PLXDC2: variants seen among roughly 807,000 people sequenced by gnomAD.
PLXDC2 encodes the protein plexin domain containing 2.
A neutral mutation model predicts 68.9 loss-of-function variants in PLXDC2; 40 were observed. That is an observed-to-expected ratio of 0.58 (90% CI 0.45 to 0.76). The LOEUF (loss-of-function observed/expected upper bound fraction) is 0.76, where lower values mean the gene tolerates loss of function less well. Ranked by LOEUF, PLXDC2 falls within the 30% of genes least tolerant of loss-of-function variation. The probability of loss-of-function intolerance (pLI) is 0.00; values close to 1 mark genes in which losing one functional copy is unlikely to be tolerated. For missense variants in PLXDC2, 644 were observed against 661.9 expected, an observed-to-expected ratio of 0.97 and a Z score of 0.30; for synonymous variants, 243 against 234.2, an observed-to-expected ratio of 1.04 and a Z score of -0.34.
intron 4 of PLXDC2, among the ~76,000 whole-genome samples, chr10:20,081,321 T>G (rs1476345008): frequency 6.6e-6 from 1 of 152,008 alleles, no homozygotes; most frequent in African/African-American, 2.4e-5. Flanking sequence ...ACTATTCCAC[T>G]AGAGACACCC....
At chr10:20,275,540 C>T (rs1000943905) in intron 13 of PLXDC2, among the ~76,000 whole-genome samples, 16 of 152,136 alleles carry the variant, frequency 1.1e-4, no homozygotes, top group South Asian at 2.1e-4. Flanking sequence ...TAAAGGAGAC[C>T]GACCCTGTGT....
chr10:19,981,332 T>C (rs746627768), intron 1 of PLXDC2, among the ~76,000 whole-genome samples: 7 of 152,218 alleles, frequency 4.6e-5, no homozygotes, highest in African/African-American at 4.8e-5. Flanking sequence ...ATGAAATAGT[T>C]TTCATAGACT....
rs997102099 is a variant in PLXDC2, at chr10:19,846,376, A to G, written c.112+29185A>G. ...GAAAGAGAAAATGGGGGCTTTATGAAGTGATTAAATCTCGAGGAGGGAAAA... is the reference window on the plus strand; with the variant it reads ...GAAAGAGAAAATGGGGGCTTTATGAGGTGATTAAATCTCGAGGAGGGAAAA... On this transcript the variant is annotated intron_variant, in intron 1 of 13. Transcript: ENST00000377252. 8.5e-5 allele frequency among the ~76,000 whole-genome samples: 13 copies of G among 152,190 alleles called. No homozygotes were observed. The East Asian group carries it at 2.3e-3, about 27-fold the overall frequency.
intron 4 of PLXDC2, among the ~76,000 whole-genome samples, chr10:20,099,247 A>G (rs560440729): frequency 6.6e-6 from 1 of 152,282 alleles, no homozygotes; most frequent in East Asian, 1.9e-4. Context: ...ATTAATACCA[A>G]CAACCAGAAA....
At chr10:19,988,696 C>A (rs1337740439) in intron 1 of PLXDC2, among the ~76,000 whole-genome samples, 1 of 142,858 alleles carries the variant, frequency 7.0e-6, no homozygotes, top group South Asian at 2.3e-4. Context: ...ATTTTCTGGT[C>A]AAGATTTTTC....
In PLXDC2 at chr10:20,281,367, A is replaced by G. The variant is rs1284534745; in HGVS notation, c.*1548A>G. The G allele has an allele frequency of 6.6e-6, 1 of 152,098 alleles. No individual in the cohort carries two copies. Among genetic ancestry groups the G allele is most frequent in the Non-Finnish European group, 1.5e-5 (1 of 68,004 alleles). 9.4% of individuals were successfully genotyped at this position (152,098 alleles called of 1,614,324 possible). On this transcript the variant is annotated 3_prime_UTR_variant, in exon 14 of 14. Transcript: ENST00000377252. ...TTTCACCAACATTCTAACCCATGAA[A>G]CTTTTACACTCTGTGCCAAGAAACT...
chr10:20,203,757 C>T (rs1345151811), intron 9 of PLXDC2, among the ~76,000 whole-genome samples: 1 of 152,150 alleles, frequency 6.6e-6, no homozygotes, highest in Non-Finnish European at 1.5e-5. Context: ...CTTTGGAAAA[C>T]CTGCACCTCT....
intron 6 of PLXDC2, among the ~76,000 whole-genome samples, chr10:20,163,431 T>C (rs1172005325): frequency 1.3e-5 from 2 of 152,068 alleles, no homozygotes. Context: ...TTATATATTC[T>C]CTCCCACTTA....
chr10:19,869,732 CGT>C (rs972948300), intron 1 of PLXDC2, among the ~76,000 whole-genome samples: 3 of 151,754 alleles, frequency 2.0e-5, no homozygotes, highest in African/African-American at 7.3e-5. Flanking sequence ...TCTTATTTAA[CGT>C]AATAACAATG....
chr10:19,826,571 C>T (rs1449464162), intron 1 of PLXDC2, among the ~76,000 whole-genome samples: 1 of 152,158 alleles, frequency 6.6e-6, no homozygotes, highest in Non-Finnish European at 1.5e-5. Flanking sequence ...TTTTATTTCA[C>T]ATTTTAGTTT....
chr10:19,997,084 G>A (rs947127563), intron 1 of PLXDC2, among the ~76,000 whole-genome samples: 1 of 152,184 alleles, frequency 6.6e-6, no homozygotes, highest in African/African-American at 2.4e-5. Flanking sequence ...CTTCCTCAGA[G>A]CTTTAATAAA....
chr10:20,040,944 G>A (rs1835671558), intron 2 of PLXDC2, among the ~76,000 whole-genome samples: 1 of 152,154 alleles, frequency 6.6e-6, no homozygotes, highest in South Asian at 2.1e-4. Flanking sequence ...TTATCTGTCA[G>A]TTGCCTGCTA....
chr10:20,179,137 C>G (rs1003492032), intron 9 of PLXDC2, among the ~76,000 whole-genome samples: 2 of 152,070 alleles, frequency 1.3e-5, no homozygotes, highest in African/African-American at 2.4e-5. Flanking sequence ...ATAGGAGGCA[C>G]TGGTTTGAGC....
At chr10:19,978,250 C>A (rs571059502) in intron 1 of PLXDC2, among the ~76,000 whole-genome samples, 3 of 152,214 alleles carry the variant, frequency 2.0e-5, no homozygotes, top group Non-Finnish European at 4.4e-5. Flanking sequence ...CAGTCTTTAA[C>A]CTGAAGTAGA....
At chr10:19,960,763 AAACAT>A (rs1834143212) in intron 1 of PLXDC2, among the ~76,000 whole-genome samples, 1 of 152,232 alleles carries the variant, frequency 6.6e-6, no homozygotes, top group Non-Finnish European at 1.5e-5. Flanking sequence ...ATATTACAAT[AAACAT>A]TTCATATTAA....
In PLXDC2 at chr10:20,289,314, G is replaced by A. The variant is rs1836200082; in HGVS notation, c.*9495G>A. The A allele has an allele frequency of 6.6e-6, 1 of 152,234 alleles. No homozygotes were observed. The allele number at this position is 152,234 out of a possible 1,614,324, so 9.4% of individuals were successfully genotyped here. A position where few individuals can be genotyped will look rare whatever the true frequency, so the allele number is the denominator to read the frequency against. On this transcript the variant is annotated 3_prime_UTR_variant, in exon 14 of 14. Transcript: ENST00000377252. ...ACTTTTTCCCCTATTCCCAGCCACAGTGCCCAAGCGTTCAAGTCTCCTGGA... is the reference window on the plus strand; with the variant it reads ...ACTTTTTCCCCTATTCCCAGCCACAATGCCCAAGCGTTCAAGTCTCCTGGA...
intron 1 of PLXDC2, among the ~76,000 whole-genome samples, chr10:19,968,300 T>G (rs1182801197): frequency 6.6e-6 from 1 of 152,148 alleles, no homozygotes; most frequent in East Asian, 1.9e-4. Context: ...ATGACCTCAC[T>G]GATCTCCTTC....
chr10:20,126,352 CAT>C (rs1402557896), intron 4 of PLXDC2, among the ~76,000 whole-genome samples: 1 of 140,398 alleles, frequency 7.1e-6, no homozygotes, highest in Non-Finnish European at 1.5e-5. Context: ...TACATATATA[CAT>C]ATGTGTTATA....
chr10:19,961,818 C>T (rs1419947413), intron 1 of PLXDC2, among the ~76,000 whole-genome samples: 2 of 152,190 alleles, frequency 1.3e-5, no homozygotes, highest in African/African-American at 4.8e-5. Flanking sequence ...GATTGCTTTG[C>T]ATGGGTGATG....
Sources: gnomAD v4.1 joint callset for allele counts (sites outside exome capture counted in the v4.1 genomes callset) on GRCh38, gnomAD v4.1.1 for gene constraint, MANE v1.5 for transcripts, NCBI Gene and HGNC (gene_info 2026-07-23, HGNC 2026-07-21) for gene names.